TOP3B: variants seen among roughly 807,000 people sequenced by gnomAD.
TOP3B encodes the protein DNA topoisomerase 3-beta-1.
A neutral mutation model predicts 93.9 loss-of-function variants in TOP3B; 45 were observed. The ratio of observed to expected loss-of-function variants is 0.48; its 90% CI spans 0.38 to 0.61. The LOEUF is 0.61. Ranked by LOEUF, TOP3B falls within the 20% of genes least tolerant of loss-of-function variation. TOP3B has a pLI of 0.00. For missense variants in TOP3B, 750 were observed against 1,156.1 expected (o/e 0.65, Z 5.09); for synonymous variants, 357 against 472.6 (o/e 0.76, Z 3.17).
chr22:21,962,415 G>C lies in TOP3B; in HGVS notation c.1525+14C>G. ...AGACGGAGCCGGCTCTGGGGCCTGG[G>C]CAGGCGCACCCACCGATGCCATGCT... On this transcript the variant is annotated intron_variant, in intron 13 of 17. Transcript: ENST00000357179. The C allele has an allele frequency of 6.2e-7, 1 of 1,613,062 alleles. No homozygotes were observed. The highest frequency in any genetic ancestry group is 8.5e-7 in the Non-Finnish European group (1 of 1,180,024).
chr22:21,978,545 T>C (rs1601869933), intron 1 of TOP3B, among the ~76,000 whole-genome samples: 1 of 151,714 alleles, frequency 6.6e-6, no homozygotes, highest in Non-Finnish European at 1.5e-5. Flanking sequence ...CTGGAGGAGG[T>C]GGCAGCAATG....
chr22:21,959,525 T>A (rs2145827945), intron 15 of TOP3B, 62 bp downstream of exon 15: 1 of 1,546,592 alleles, frequency 6.5e-7, no homozygotes, highest in South Asian at 1.2e-5. Context: ...GGTCCCCAGG[T>A]ACTGGCCTTG....
At chr22:21,959,459 C>A in intron 15 of TOP3B, 128 bp downstream of exon 15, 1 of 1,510,676 alleles carries the variant, frequency 6.6e-7, no homozygotes, top group Non-Finnish European at 8.8e-7. Flanking sequence ...TGTCACTGAC[C>A]TGGCCTACGG....
Position 21,962,860 on chromosome 22 carries a change from G to T in TOP3B, c.1238C>A (p.Thr413Asn). The T allele has an allele frequency of 1.2e-6, 2 of 1,613,994 alleles. No homozygotes were observed. Among genetic ancestry groups the T allele is most frequent in the Non-Finnish European group, 1.7e-6 (2 of 1,180,034 alleles). The change falls in exon 12 of 18, where the codon ACC becomes AAC. Residue 413 changes from threonine to asparagine, a missense_variant. By Grantham distance (65) the Thr-to-Asn change is moderately conservative. Around this residue, in one of 4 missense-constraint regions of TOP3B, gnomAD observed 737 missense variants for 933.7 expected, o/e 0.79. Transcript: ENST00000357179. ...GDAWRLYEYI[T>N]RHFIATVSHD... ...GCTGACCGTGGCGATGAAGTGTCTG[G>T]TGATGTACTCATAGAGCCGCCACGC...
chr22:21,979,844 G>A (rs1308883939), intron 1 of TOP3B, among the ~76,000 whole-genome samples: 1 of 149,576 alleles, frequency 6.7e-6, no homozygotes, highest in African/African-American at 2.4e-5. Context: ...GGGAGGCTGA[G>A]GCAGGAGAAT....
intron 1 of TOP3B, among the ~76,000 whole-genome samples, chr22:21,981,173 T>G (rs1776848014): frequency 6.6e-6 from 1 of 152,184 alleles, no homozygotes; most frequent in Non-Finnish European, 1.5e-5. Flanking sequence ...CACAGAGTAG[T>G]CAGCAATTAT....
In TOP3B at chr22:21,963,229, G is replaced by A. The variant is rs1325413721; in HGVS notation, c.1205-336C>T. The A allele has an allele frequency of 1.2e-5, 3 of 242,520 alleles. No individual in the cohort carries two copies. Among genetic ancestry groups the A allele is most frequent in the Middle Eastern group, 1.5e-3 (1 of 646 alleles). 15.0% of individuals were successfully genotyped at this position (242,520 alleles called of 1,614,324 possible). A position where few individuals can be genotyped will look rare whatever the true frequency, so the allele number is the denominator to read the frequency against. ...TGGGAGCCTGTAATCCCAGCTACTC[G>A]GGGGGCTGAGGCAGGGTGAACTGCT... On this transcript the variant is annotated intron_variant, in intron 11 of 17. Transcript: ENST00000357179. The surrounding 1 kb of genome is among the most constrained non-coding windows in gnomAD (Gnocchi z 4.8).
intron 7 of TOP3B, 199 bp downstream of exon 7, chr22:21,968,420 T>C: frequency 1.6e-6 from 1 of 607,888 alleles, no homozygotes; most frequent in South Asian, 2.1e-5. Flanking sequence ...AGATTCAGCA[T>C]ATACAGGCCC....
chr22:21,980,030 C>T (rs1277037494), intron 1 of TOP3B, among the ~76,000 whole-genome samples: 2 of 149,224 alleles, frequency 1.3e-5, no homozygotes, highest in African/African-American at 4.9e-5. Flanking sequence ...TTGGTACATA[C>T]TAACGTGGAT....
intron 4 of TOP3B, 166 bp from the exon 5 acceptor site, chr22:21,972,117 C>A: frequency 3.5e-6 from 2 of 575,294 alleles, no homozygotes; most frequent in Non-Finnish European, 3.1e-6. Flanking sequence ...GCTGGCTCAG[C>A]CAACAGAAAA....
chr22:21,971,087 GC>G lies in TOP3B; in HGVS notation c.385-682del. 1 of 1,297,494 alleles carries G rather than the reference GC, an allele frequency of 7.7e-7. No individual in the cohort carries two copies. Among genetic ancestry groups the G allele is most frequent in the Non-Finnish European group, 1.0e-6 (1 of 983,692 alleles). 80.4% of individuals were successfully genotyped at this position (1,297,494 alleles called of 1,614,324 possible). A position where few individuals can be genotyped will look rare whatever the true frequency, so the allele number is the denominator to read the frequency against. On this transcript the variant is annotated intron_variant, in intron 5 of 17. Transcript: ENST00000357179. The surrounding 1 kb of genome is among the most constrained non-coding windows in gnomAD (Gnocchi z 4.6). ...CTGAAGGGAGAAAGCCCCATGAGCTGCCCCCATTCTCCATTCCCAGATGCAA... is the reference window on the plus strand; with the variant it reads ...CTGAAGGGAGAAAGCCCCATGAGCTGCCCCATTCTCCATTCCCAGATGCAA...
rs768290096 is a variant in TOP3B, at chr22:21,962,955, C to T, written c.1205-62G>A. The T allele has an allele frequency of 5.0e-6, 8 of 1,589,076 alleles. No individual in the cohort carries two copies. In the East Asian group the frequency reaches 9.0e-5, roughly 18 times the overall value. On this transcript the variant is annotated intron_variant, in intron 11 of 17. Transcript: ENST00000357179. Reference sequence around the variant, plus strand: ...TGGGGGCTCTGGCCGTGAGGAGCCCCCAGTACTCTCGCTCGAGCAGCAAGC... The same window carrying T: ...TGGGGGCTCTGGCCGTGAGGAGCCCTCAGTACTCTCGCTCGAGCAGCAAGC...
chr22:21,970,647 T>C lies in TOP3B; in HGVS notation c.385-241A>G. On this transcript the variant is annotated intron_variant, in intron 5 of 17. Transcript: ENST00000357179. This position sits in a 1 kb window ranked among gnomAD's most constrained non-coding sequence, Gnocchi z 4.4. ...CACCACATGGCTTCCTTTACTCCCA[T>C]CTAGAAACATACTCGAACACTCCCT... 1.8e-6 allele frequency: 1 copy of C among 557,542 alleles called. No homozygotes were observed. The highest frequency in any genetic ancestry group is 3.2e-6 in the Non-Finnish European group (1 of 309,850). The allele number at this position is 557,542 out of a possible 1,614,324, so 34.5% of individuals were successfully genotyped here.
Position 21,970,095 on chromosome 22 carries a change from G to A in TOP3B, c.581+115C>T, listed in dbSNP as rs1459724440. 1.7e-6 allele frequency: 2 copies of A among 1,187,704 alleles called. No homozygotes were observed. Among genetic ancestry groups the A allele is most frequent in the East Asian group, 2.5e-5 (1 of 40,152 alleles). 73.6% of individuals were successfully genotyped at this position (1,187,704 alleles called of 1,614,324 possible). A position where few individuals can be genotyped will look rare whatever the true frequency, so the allele number is the denominator to read the frequency against. On this transcript the variant is annotated intron_variant, in intron 6 of 17. Coordinates refer to ENST00000357179, the MANE Select transcript of TOP3B (RefSeq NM_001282112.2). This position sits in a 1 kb window ranked among gnomAD's most constrained non-coding sequence, Gnocchi z 4.4. ...TTCTTCAGGGTTGGTGAAATCCCCT[G>A]TTGCTCATCCTGGCTCGAGGAGGCC...
chr22:21,968,631 C>A lies in TOP3B; in HGVS notation c.726G>T (p.Val242=), dbSNP rs114760416. 2,440 of 1,614,162 alleles carry A rather than the reference C, an allele frequency of 1.5e-3. 3 individuals carry two copies. The highest frequency in any genetic ancestry group is 0.012 in the Middle Eastern group (73 of 6,050). The change falls in exon 7 of 18, where the codon GTG becomes GTT. Residue 242 remains valine, a synonymous_variant. Coordinates refer to ENST00000357179, the MANE Select transcript of TOP3B (RefSeq NM_001282112.2). ...AAAGGCAAGGAACCTTGGCCTGCAG[C>A]ACCCAGTAGGTCTCTGGTTTGAAGG... The part of the protein sequence containing the change: ...IQSFKPETYW[V]LQAKVNTDKD...
rs1264325958 is a variant in TOP3B, at chr22:21,971,960, C to T, written c.310-9G>A. 4 of 1,612,990 alleles carry T rather than the reference C, an allele frequency of 2.5e-6. No individual in the cohort carries two copies. The highest frequency in any genetic ancestry group is 2.2e-5 in the East Asian group (1 of 44,884). ...CAGCCTCTGCCCTCCACCTGCCACA[C>T]AGCACAGGTTCACACGTACCTGCTG... is the stretch of plus-strand genomic sequence containing the variant. On this transcript the variant is annotated splice_polypyrimidine_tract_variant and intron_variant, in intron 4 of 17. Transcript: ENST00000357179. The surrounding 1 kb of genome is among the most constrained non-coding windows in gnomAD (Gnocchi z 4.6).
At position 21,962,823 on chromosome 22, in the gene TOP3B, C is replaced by G. The variant is rs1278317161; in HGVS notation, c.1275G>C (p.Lys425Asn). Residue 425 changes from lysine to asparagine, a missense_variant, in exon 12 of 18, where the codon AAG becomes AAC. Transcript: ENST00000357179. The stretch of plus-strand genomic sequence containing the variant: ...TGAAGGAGATGGTGCTCTGCAGGTA[C>G]TTGCAGTCATGGCTGACCGTGGCGA... ...HFIATVSHDC[K>N]YLQSTISFRI... 11 of 1,614,144 alleles carry G rather than the reference C, an allele frequency of 6.8e-6. No homozygotes were observed. The highest frequency in any genetic ancestry group is 8.5e-6 in the Non-Finnish European group (10 of 1,180,032).
rs199795590 is a variant in TOP3B, at chr22:21,963,960, G to A, written c.1167C>T (p.Pro389=). 15 of 1,613,098 alleles carry A rather than the reference G, an allele frequency of 9.3e-6. No individual in the cohort carries two copies. The highest frequency in any genetic ancestry group is 1.2e-5 in the Non-Finnish European group (14 of 1,179,782). ...CTGTGGCAGACTTCATGGGGGTGATGGGGGGATGGTCGCCGGCGTCATGGC... is the reference window on the plus strand; with the variant it reads ...CTGTGGCAGACTTCATGGGGGTGATAGGGGGATGGTCGCCGGCGTCATGGC... The part of the protein sequence containing the change: ...RKGHDAGDHP[P]ITPMKSATEA... Residue 389 remains proline, a synonymous_variant, in exon 11 of 18, where the codon CCC becomes CCT. Transcript: ENST00000357179. This position sits in a 1 kb window ranked among gnomAD's most constrained non-coding sequence, Gnocchi z 4.8.
intron 15 of TOP3B, 56 bp downstream of exon 15, chr22:21,959,530 GC>G: frequency 3.9e-6 from 6 of 1,550,762 alleles, no homozygotes; most frequent in Non-Finnish European, 5.2e-6. Flanking sequence ...CCAGGTACTG[GC>G]CTTGCTGACA....
Sources: gnomAD v4.1 joint callset for allele counts (sites outside exome capture counted in the v4.1 genomes callset) on GRCh38, gnomAD v4.1.1 for gene constraint, gnomAD v4.1.1 regional missense constraint, Gnocchi (gnomAD v3.1) non-coding constraint, MANE v1.5 for transcripts, NCBI Gene and HGNC (gene_info 2026-07-23, HGNC 2026-07-21) for gene names.